The following PLD5 variants were observed in gnomAD, a reference collection of about 807,000 sequenced individuals.
PLD5 encodes phospholipase D family member 5.
PLD5 carries 36 observed loss-of-function variants against 61.1 expected under a neutral mutation model. The observed-to-expected ratio is 0.59, with a 90% confidence interval of 0.45 to 0.78. PLD5 has a LOEUF of 0.78. Ranked by LOEUF, PLD5 falls within the 30% of genes least tolerant of loss-of-function variation. The pLI is 0.00. For missense variants in PLD5, 515 were observed against 644.4 expected, an observed-to-expected ratio of 0.80 and a Z score of 2.17; for synonymous variants, 243 against 242.8, an observed-to-expected ratio of 1.00 and a Z score of -0.01.
chr1:242,388,137 T>G (rs1558518707), intron 1 of PLD5, among the ~76,000 whole-genome samples: 1 of 152,216 alleles, frequency 6.6e-6, no homozygotes, highest in Non-Finnish European at 1.5e-5. Flanking sequence ...GGTTGTCGTC[T>G]TCTCCTTCTT....
intron 5 of PLD5, among the ~76,000 whole-genome samples, chr1:242,163,563 A>ATGTT (rs1666053585): frequency 6.6e-6 from 1 of 152,194 alleles, no homozygotes; most frequent in Non-Finnish European, 1.5e-5. Flanking sequence ...GGTGGAAAGG[A>ATGTT]TGTTTAATCA....
intron 1 of PLD5, among the ~76,000 whole-genome samples, chr1:242,434,073 C>T (rs724870): frequency 0.18 from 27,746 of 152,172 alleles, 3,175 homozygotes; most frequent in African/African-American, 0.32. Context: ...ACAAGATATA[C>T]CTTTCAGAAG....
chr1:242,180,015 G>T (rs1667419525), intron 5 of PLD5, among the ~76,000 whole-genome samples: 1 of 152,092 alleles, frequency 6.6e-6, no homozygotes, highest in South Asian at 2.1e-4. Context: ...CACTTTCAGT[G>T]CACACTCACT....
intron 5 of PLD5, among the ~76,000 whole-genome samples, chr1:242,181,140 T>C (rs1429132336): frequency 6.6e-6 from 1 of 152,144 alleles, no homozygotes; most frequent in Non-Finnish European, 1.5e-5. Flanking sequence ...ACAAATCACC[T>C]GGGGTGATTT....
At chr1:242,415,336 A>C (rs1253925089) in intron 1 of PLD5, among the ~76,000 whole-genome samples, 1 of 152,152 alleles carries the variant, frequency 6.6e-6, no homozygotes, top group Non-Finnish European at 1.5e-5. Context: ...AAAAGCCTAG[A>C]AACAACCCAT....
intron 1 of PLD5, among the ~76,000 whole-genome samples, chr1:242,372,306 G>T (rs964781098): frequency 6.6e-6 from 1 of 152,164 alleles, no homozygotes; most frequent in Non-Finnish European, 1.5e-5. Context: ...GTGGAGCCAG[G>T]TAGAGTGTAA....
At chr1:242,173,691 A>G (rs1003827686) in intron 5 of PLD5, among the ~76,000 whole-genome samples, 14 of 152,248 alleles carry the variant, frequency 9.2e-5, no homozygotes, top group African/African-American at 2.4e-4. Context: ...TACTGGTACC[A>G]AAACAGAGAT....
At chr1:242,494,878 C>CTTTTTTTTTTTTTTTTTTT (rs556893161) in intron 1 of PLD5, among the ~76,000 whole-genome samples, 23 of 135,882 alleles carry the variant, frequency 1.7e-4, no homozygotes, top group African/African-American at 3.1e-4. Context: ...TTTTTCTTTT[C>CTTTTTTTTTTTTTTTTTTT]TGTTTTTTTT....
intron 1 of PLD5, among the ~76,000 whole-genome samples, chr1:242,479,905 A>C (rs1364367788): frequency 6.6e-6 from 1 of 150,506 alleles, no homozygotes; most frequent in East Asian, 2.0e-4. Context: ...AAAAAAATTC[A>C]CCAGGCATGT....
chr1:242,435,325 G>T (rs1347089394), intron 1 of PLD5, among the ~76,000 whole-genome samples: 1 of 149,278 alleles, frequency 6.7e-6, no homozygotes, highest in Non-Finnish European at 1.5e-5. Flanking sequence ...GTGACACTCT[G>T]CTCTCTCGTT....
chr1:242,240,599 T>C (rs900249349), intron 4 of PLD5, among the ~76,000 whole-genome samples: 1 of 152,130 alleles, frequency 6.6e-6, no homozygotes, highest in Non-Finnish European at 1.5e-5. Flanking sequence ...AAGGTAAATA[T>C]GTAAGAAACA....
intron 4 of PLD5, among the ~76,000 whole-genome samples, chr1:242,245,393 T>C (rs140175862): frequency 6.6e-6 from 1 of 152,332 alleles, no homozygotes; most frequent in East Asian, 1.9e-4. Flanking sequence ...TCAGCTTTGC[T>C]TCGTGCATAA....
At chr1:242,166,219 A>G (rs1666290573) in intron 5 of PLD5, among the ~76,000 whole-genome samples, 1 of 152,236 alleles carries the variant, frequency 6.6e-6, no homozygotes, top group African/African-American at 2.4e-5. Flanking sequence ...AAGAGCCACA[A>G]GGGCATCTGC....
chr1:242,171,904 A>G (rs1666778864), intron 5 of PLD5, among the ~76,000 whole-genome samples: 2 of 152,150 alleles, frequency 1.3e-5, no homozygotes, highest in African/African-American at 4.8e-5. Context: ...AGCAAGTTCT[A>G]AGAGACCTAC....
chr1:242,486,717 A>G (rs1349573783), intron 1 of PLD5, among the ~76,000 whole-genome samples: 2 of 152,194 alleles, frequency 1.3e-5, no homozygotes, highest in Non-Finnish European at 2.9e-5. Flanking sequence ...CTGGGTATAT[A>G]CCCAAAGGAT....
chr1:242,154,143 T>C (rs1440282421), intron 5 of PLD5, among the ~76,000 whole-genome samples: 2 of 152,206 alleles, frequency 1.3e-5, no homozygotes, highest in Admixed American at 1.3e-4. Flanking sequence ...GATTTGGCTG[T>C]TTGTCTGTTA....
At chr1:242,348,016 T>C in intron 2 of PLD5, 90 bp downstream of exon 2, 1 of 1,492,684 alleles carries the variant, frequency 6.7e-7, no homozygotes, top group Non-Finnish European at 9.1e-7. Context: ...TGACTACGTG[T>C]GTTTATGTAT....
chr1:242,484,077 T>C (rs1247607290), intron 1 of PLD5, among the ~76,000 whole-genome samples: 2 of 152,200 alleles, frequency 1.3e-5, no homozygotes, highest in African/African-American at 4.8e-5. Context: ...GAGGGAAATT[T>C]ATAGCACTAA....
At chr1:242,328,392 CTACA>C (rs1258215103) in intron 2 of PLD5, among the ~76,000 whole-genome samples, 2 of 151,904 alleles carry the variant, frequency 1.3e-5, no homozygotes, top group South Asian at 2.1e-4. Context: ...CACACGTGTT[CTACA>C]TAGTTGTGTG....
Sources: allele counts gnomAD v4.1 joint callset (sites outside exome capture counted in the v4.1 genomes callset), GRCh38; gene constraint gnomAD v4.1.1; transcripts MANE v1.5; gene names NCBI Gene and HGNC (gene_info 2026-07-23, HGNC 2026-07-21).